Variants in SPMIP2 observed in about 807,000 individuals in gnomAD.
SPMIP2 encodes the protein sperm microtubule inner protein 2.
the SPMIP2 span, among the ~76,000 whole-genome samples, chr4:158,903,458 G>A: frequency 6.6e-6 from 1 of 152,192 alleles, no homozygotes; most frequent in African/African-American, 2.4e-5. Flanking sequence ...ATTGCCAAAT[G>A]TGTGCCTTAC....
At chr4:159,074,564 T>C in the SPMIP2 span, among the ~76,000 whole-genome samples, 1 of 152,126 alleles carries the variant, frequency 6.6e-6, no homozygotes, top group Non-Finnish European at 1.5e-5. Flanking sequence ...TAGTCTGGCT[T>C]AGAGTGCAGC....
the SPMIP2 span, among the ~76,000 whole-genome samples, chr4:158,910,918 G>A: frequency 6.6e-6 from 1 of 152,244 alleles, no homozygotes; most frequent in Admixed American, 6.5e-5. Context: ...CTGTTTCTCT[G>A]GAGAACCCTG....
the SPMIP2 span, among the ~76,000 whole-genome samples, chr4:158,950,112 C>T: frequency 6.6e-6 from 1 of 152,152 alleles, no homozygotes; most frequent in African/African-American, 2.4e-5. Context: ...TTCCTTAAGA[C>T]AAATCTATAA....
the SPMIP2 span, chr4:159,034,937 T>A: frequency 1.2e-6 from 1 of 856,282 alleles, no homozygotes; most frequent in Non-Finnish European, 1.8e-6. Flanking sequence ...ACATATGTGA[T>A]CATTGCATTG....
At chr4:158,968,488 AATG>A in the SPMIP2 span, among the ~76,000 whole-genome samples, 3 of 152,206 alleles carry the variant, frequency 2.0e-5, no homozygotes, top group African/African-American at 7.2e-5. Flanking sequence ...CTTAGAGAAA[AATG>A]ATAACGCAAC....
chr4:159,041,496 G>A, the SPMIP2 span, among the ~76,000 whole-genome samples: 10 of 152,086 alleles, frequency 6.6e-5, no homozygotes, highest in African/African-American at 2.2e-4. Context: ...TTTTTCCCAT[G>A]AGCTGTCTGA....
At chr4:159,007,079 C>T in the SPMIP2 span, 112 of 555,318 alleles carry the variant, frequency 2.0e-4, no homozygotes, top group Non-Finnish European at 3.5e-4. Context: ...TTGAAGCATA[C>T]GGTAATTAGG....
the SPMIP2 span, among the ~76,000 whole-genome samples, chr4:159,043,802 G>A: frequency 6.6e-6 from 1 of 152,156 alleles, no homozygotes; most frequent in Non-Finnish European, 1.5e-5. Context: ...TTTACAGCAG[G>A]CTACAATCCA....
chr4:158,943,731 G>A, the SPMIP2 span, among the ~76,000 whole-genome samples: 1 of 151,880 alleles, frequency 6.6e-6, no homozygotes, highest in Non-Finnish European at 1.5e-5. Context: ...TAGTCTCTGG[G>A]AATGAATCAC....
the SPMIP2 span, among the ~76,000 whole-genome samples, chr4:159,075,535 A>G: frequency 1.3e-5 from 2 of 152,154 alleles, no homozygotes; most frequent in African/African-American, 4.8e-5. Context: ...TCAAAGAGAC[A>G]GCGTGGCATA....
At chr4:158,982,975 C>G in the SPMIP2 span, among the ~76,000 whole-genome samples, 3 of 152,016 alleles carry the variant, frequency 2.0e-5, no homozygotes, top group African/African-American at 7.3e-5. Flanking sequence ...AAGGAGCTGA[C>G]GGAGCTGAAA....
chr4:158,912,408 T>C, the SPMIP2 span, among the ~76,000 whole-genome samples: 1 of 152,246 alleles, frequency 6.6e-6, no homozygotes, highest in Non-Finnish European at 1.5e-5. Flanking sequence ...AAGTTTATGA[T>C]ACTGTCTATA....
At chr4:158,904,600 G>C in the SPMIP2 span, 1 of 1,430,274 alleles carries the variant, frequency 7.0e-7, no homozygotes, top group Non-Finnish European at 9.8e-7. Flanking sequence ...CTCAACTGAA[G>C]GAGAAAGGAA....
the SPMIP2 span, among the ~76,000 whole-genome samples, chr4:158,991,652 G>T: frequency 6.6e-6 from 1 of 152,138 alleles, no homozygotes; most frequent in African/African-American, 2.4e-5. Flanking sequence ...AATTTTATTT[G>T]CTTCAGGTTT....
At chr4:158,907,850 TAA>T in the SPMIP2 span, 2 of 152,230 alleles carry the variant, frequency 1.3e-5, no homozygotes, top group African/African-American at 4.8e-5. Context: ...TGCTTAAACT[TAA>T]GTGGTATTTC....
chr4:158,965,681 A>T, the SPMIP2 span, among the ~76,000 whole-genome samples: 1 of 149,988 alleles, frequency 6.7e-6, no homozygotes, highest in Non-Finnish European at 1.5e-5. Flanking sequence ...AAAAAAAAAA[A>T]AAGGTACATA....
chr4:158,918,116 A>G, the SPMIP2 span, among the ~76,000 whole-genome samples: 28 of 152,278 alleles, frequency 1.8e-4, no homozygotes, highest in African/African-American at 6.7e-4. Context: ...CCCGGAGTGT[A>G]TCTCATTCGT....
At chr4:158,980,472 C>A in the SPMIP2 span, among the ~76,000 whole-genome samples, 1 of 152,224 alleles carries the variant, frequency 6.6e-6, no homozygotes, top group African/African-American at 2.4e-5. Context: ...TGGCATCTGG[C>A]GGGTGCCCCT....
chr4:158,957,508 C>T, the SPMIP2 span, among the ~76,000 whole-genome samples: 1 of 152,284 alleles, frequency 6.6e-6, no homozygotes, highest in African/African-American at 2.4e-5. Flanking sequence ...CTCACTGCAA[C>T]CTCCATCTCC....
Sources: allele counts gnomAD v4.1 joint callset (sites outside exome capture counted in the v4.1 genomes callset), GRCh38; gene constraint gnomAD v4.1.1; transcripts MANE v1.5; gene names NCBI Gene and HGNC (gene_info 2026-07-23, HGNC 2026-07-21).